The following CDKAL1 variants were observed in gnomAD, a reference collection of about 807,000 sequenced individuals.
CDKAL1 encodes threonylcarbamoyladenosine tRNA methylthiotransferase.
A neutral mutation model predicts 68.2 loss-of-function variants in CDKAL1; 32 were observed. The ratio of observed to expected loss-of-function variants is 0.47; its 90% CI spans 0.35 to 0.63. The LOEUF is 0.63. CDKAL1 is among the 30% of genes least tolerant of loss of function. The probability of loss-of-function intolerance (pLI) is 0.00; values close to 1 mark genes in which losing one functional copy is unlikely to be tolerated. For missense variants in CDKAL1, 606 were observed against 696.7 expected (o/e 0.87, Z 1.47); for synonymous variants, 234 against 244.3 (o/e 0.96, Z 0.39).
In CDKAL1 at chr6:20,596,422, T is replaced by C. The variant is rs528394421; in HGVS notation, c.286+47717T>C. The stretch of plus-strand genomic sequence containing the variant: ...GCGGCTTTGCCGAGCTGTGGTGGGC[T>C]CTGCCCAGTTCAAACTTCCTGGCAG... On this transcript the variant is annotated intron_variant, in intron 4 of 15. Coordinates refer to ENST00000274695, the MANE Select transcript of CDKAL1 (RefSeq NM_017774.3). Among the ~76,000 whole-genome samples the C allele has an allele frequency of 2.0e-3, 311 of 152,334 alleles. 1 individual carries two copies. Among genetic ancestry groups the C allele is most frequent in the African/African-American group, 6.8e-3 (284 of 41,572 alleles).
At chr6:20,743,346 G>A (rs1773537563) in intron 6 of CDKAL1, among the ~76,000 whole-genome samples, 1 of 152,128 alleles carries the variant, frequency 6.6e-6, no homozygotes, top group South Asian at 2.1e-4. Flanking sequence ...CTGTTGACCA[G>A]GCGATTAAAA....
chr6:20,538,704 G>A (rs1486367487), intron 2 of CDKAL1, among the ~76,000 whole-genome samples: 1 of 152,164 alleles, frequency 6.6e-6, no homozygotes, highest in Non-Finnish European at 1.5e-5. Flanking sequence ...GCACTACCTG[G>A]TCCTAGCCTC....
intron 10 of CDKAL1, among the ~76,000 whole-genome samples, chr6:20,971,430 A>G (rs1484982478): frequency 6.6e-6 from 1 of 152,254 alleles, no homozygotes; most frequent in Non-Finnish European, 1.5e-5. Context: ...GCATTGCTAA[A>G]TTAAAAAGAT....
At chr6:20,602,086 A>C (rs117500885) in intron 4 of CDKAL1, among the ~76,000 whole-genome samples, 2 of 152,358 alleles carry the variant, frequency 1.3e-5, no homozygotes, top group Non-Finnish European at 2.9e-5. Context: ...GGGTACTTAC[A>C]TGTAATCTCC....
chr6:20,733,674 T>C (rs1255405503), intron 5 of CDKAL1, among the ~76,000 whole-genome samples: 1 of 152,152 alleles, frequency 6.6e-6, no homozygotes, highest in East Asian at 1.9e-4. Flanking sequence ...GTTTTTGAAA[T>C]ATGGTATTCA....
chr6:20,575,370 C>T (rs191281561), intron 4 of CDKAL1, among the ~76,000 whole-genome samples: 12 of 139,728 alleles, frequency 8.6e-5, no homozygotes, highest in Admixed American at 3.2e-4. Flanking sequence ...ATTATGTCTG[C>T]GGGGACCATC....
chr6:20,894,678 G>C (rs1006078528), intron 9 of CDKAL1, among the ~76,000 whole-genome samples: 7 of 152,014 alleles, frequency 4.6e-5, no homozygotes, highest in African/African-American at 1.7e-4. Flanking sequence ...TCTCCTCTAA[G>C]TTATACACTT....
chr6:20,698,126 T>C (rs1771184363), intron 5 of CDKAL1, among the ~76,000 whole-genome samples: 1 of 152,220 alleles, frequency 6.6e-6, no homozygotes, highest in South Asian at 2.1e-4. Flanking sequence ...CTTTGTCTTA[T>C]GGTAAGGTTT....
chr6:20,957,559 G>A (rs1414169155), intron 10 of CDKAL1, among the ~76,000 whole-genome samples: 2 of 152,190 alleles, frequency 1.3e-5, no homozygotes, highest in Admixed American at 1.3e-4. Context: ...TCTGAAGTAT[G>A]TATCATGTTG....
At chr6:21,191,992 CTTTTTTTTTTTTTTTTTTTTTTT>C (rs145894251) in intron 13 of CDKAL1, among the ~76,000 whole-genome samples, 42 of 34,528 alleles carry the variant, frequency 1.2e-3, no homozygotes, top group Admixed American at 3.6e-3. Flanking sequence ...ATTCATTTTT[CTTTTTTTTTTTTTTTTTTTTTTT>C]TTTTTTTTTT....
At chr6:21,148,996 A>G (rs1005831363) in intron 13 of CDKAL1, among the ~76,000 whole-genome samples, 1 of 152,222 alleles carries the variant, frequency 6.6e-6, no homozygotes, top group African/African-American at 2.4e-5. Context: ...AGTATTATAA[A>G]GGAGATATCA....
At chr6:20,583,609 T>C (rs1765224073) in intron 4 of CDKAL1, among the ~76,000 whole-genome samples, 1 of 152,108 alleles carries the variant, frequency 6.6e-6, no homozygotes, top group Non-Finnish European at 1.5e-5. Flanking sequence ...ACTTGAATGC[T>C]GTGAGAGAAC....
chr6:20,784,628 T>C (rs986693100), intron 8 of CDKAL1, among the ~76,000 whole-genome samples: 1 of 151,688 alleles, frequency 6.6e-6, no homozygotes. Context: ...TTTCACCATA[T>C]TGGCCAGGCT....
chr6:20,559,996 GA>G (rs1764206160), intron 4 of CDKAL1, among the ~76,000 whole-genome samples: 1 of 152,074 alleles, frequency 6.6e-6, no homozygotes, highest in Non-Finnish European at 1.5e-5. Context: ...ATTTTGGGGA[GA>G]AAAAACTTCT....
chr6:20,854,703 T>C (rs1159182288), intron 9 of CDKAL1, among the ~76,000 whole-genome samples: 1 of 152,244 alleles, frequency 6.6e-6, no homozygotes, highest in Non-Finnish European at 1.5e-5. Context: ...CTGCTGCTTC[T>C]GGAAATACCT....
At chr6:21,004,515 A>G (rs975998908) in intron 11 of CDKAL1, among the ~76,000 whole-genome samples, 2 of 152,244 alleles carry the variant, frequency 1.3e-5, no homozygotes, top group Non-Finnish European at 2.9e-5. Flanking sequence ...AAATTATTCT[A>G]TTCAGATTTA....
Position 20,609,397 on chromosome 6 carries a change from TCTTC to T in CDKAL1, c.287-39895_287-39892del, listed in dbSNP as rs1305888449. 5.7e-3 allele frequency among the ~76,000 whole-genome samples: 607 copies of T among 105,786 alleles called. 22 individuals carry two copies. The highest frequency in any genetic ancestry group is 0.017 in the African/African-American group (547 of 31,330). 69.4% of individuals were successfully genotyped at this position (105,786 alleles called of 152,430 possible). A position where few individuals can be genotyped will look rare whatever the true frequency, so the allele number is the denominator to read the frequency against. On this transcript the variant is annotated intron_variant, in intron 4 of 15. Transcript: ENST00000274695. ...TCCTTCTTCTTCTTCTTCTTCTTCT[TCTTC>T]TTTTTTTTTTTTGAGATGGAATCTC...
intron 13 of CDKAL1, among the ~76,000 whole-genome samples, chr6:21,197,072 C>G (rs564241176): frequency 6.6e-6 from 1 of 151,752 alleles, no homozygotes; most frequent in Non-Finnish European, 1.5e-5. Context: ...GCAGAAGAAT[C>G]GTTTGAACCC....
chr6:21,165,187 A>G (rs955701534), intron 13 of CDKAL1, among the ~76,000 whole-genome samples: 3 of 152,240 alleles, frequency 2.0e-5, no homozygotes, highest in Non-Finnish European at 4.4e-5. Context: ...TTTCAGGAGA[A>G]GAAGGACCAT....
Sources: gnomAD v4.1 joint callset for allele counts (sites outside exome capture counted in the v4.1 genomes callset) on GRCh38, gnomAD v4.1.1 for gene constraint, MANE v1.5 for transcripts, NCBI Gene and HGNC (gene_info 2026-07-23, HGNC 2026-07-21) for gene names.